ANKRD30A: variants seen among roughly 807,000 people sequenced by gnomAD.
ANKRD30A encodes the protein ankyrin repeat domain 30A, also known as ankyrin repeat domain-containing protein 30A.
A neutral mutation model predicts 166.3 loss-of-function variants in ANKRD30A; 170 were observed. The observed-to-expected ratio is 1.02, with a 90% confidence interval of 0.90 to 1.16. The LOEUF is 1.16. Ranked by LOEUF, ANKRD30A falls within the 50% of genes most tolerant of loss-of-function variation. ANKRD30A has a pLI of 0.00. For missense variants in ANKRD30A, 1,630 were observed against 1,518.0 expected, an observed-to-expected ratio of 1.07 and a Z score of -1.23; for synonymous variants, 564 against 508.9, an observed-to-expected ratio of 1.11 and a Z score of -1.46.
chr10:37,142,147 T>G lies in ANKRD30A; in HGVS notation c.1250T>G (p.Ile417Ser). The change falls in exon 7 of 36, where the codon ATC becomes AGC. Residue 417 changes from isoleucine (I) to serine (S), a missense_variant. Around this residue, in one of 4 missense-constraint regions of ANKRD30A, gnomAD observed 904 missense variants for 818.5 expected, o/e 1.10. Coordinates refer to ENST00000361713, the MANE Select transcript of ANKRD30A (RefSeq NM_052997.3). ...GCAGCAAAAGGAAGACCTAGGAAGA[T>G]CGCATGGGAGAAAAAAGAAACACCT... ...TWAAKGRPRK[I>S]AWEKKETPVK... 17 of 1,613,912 alleles carry G rather than the reference T, an allele frequency of 1.1e-5. No individual in the cohort carries two copies. Among genetic ancestry groups the G allele is most frequent in the Non-Finnish European group, 1.4e-5 (16 of 1,179,988 alleles).
intron 27 of ANKRD30A, 121 bp from the exon 28 acceptor site, chr10:37,197,160 T>A (rs1841201546): frequency 1.4e-6 from 2 of 1,391,548 alleles, no homozygotes; most frequent in Non-Finnish European, 2.0e-6. Context: ...ACTTTCCAAA[T>A]CTAAAGTATT....
chr10:37,246,975 C>T, the ANKRD30A span, among the ~76,000 whole-genome samples: 1 of 152,124 alleles, frequency 6.6e-6, no homozygotes, highest in Non-Finnish European at 1.5e-5. Flanking sequence ...GATTTTAGCT[C>T]TTTGGGAGAC....
Position 37,219,887 on chromosome 10 carries a change from C to A in ANKRD30A, c.4175C>A (p.Ala1392Glu). Residue 1392 changes from alanine (A) to glutamate (E), a missense_variant, in exon 34 of 36, where the codon GCA (alanine) becomes GAA (glutamate). By Grantham distance (107) the Ala-to-Glu change is moderately radical. Transcript: ENST00000361713. ...NRIYQYEKEK[A>E]ETENS ...ATATATCAATATGAAAAAGAGAAAGCAGAAACAGAAGTAAGTATCAAAAAA... is the reference window on the plus strand; with the variant it reads ...ATATATCAATATGAAAAAGAGAAAGAAGAAACAGAAGTAAGTATCAAAAAA... The A allele has an allele frequency of 6.7e-7, 1 of 1,502,822 alleles. No individual in the cohort carries two copies. The highest frequency in any genetic ancestry group is 2.4e-5 in the Admixed American group (1 of 42,210). 93.1% of individuals were successfully genotyped at this position (1,502,822 alleles called of 1,614,324 possible).
chr10:37,232,688 AT>A (rs1843484003), downstream of ANKRD30A: 2 of 5,348 alleles, frequency 3.7e-4, no homozygotes, highest in Non-Finnish European at 9.5e-4. Flanking sequence ...ATATATATAT[AT>A]ATATAAATAG....
chr10:37,246,969 T>G, the ANKRD30A span, among the ~76,000 whole-genome samples: 2 of 152,096 alleles, frequency 1.3e-5, no homozygotes, highest in Admixed American at 1.3e-4. Flanking sequence ...GCCTGTGATT[T>G]TAGCTCTTTG....
Position 37,142,187 on chromosome 10 carries a change from C to T in ANKRD30A, c.1290C>T (p.Cys430=), listed in dbSNP as rs369621160. 39 of 1,613,748 alleles carry T rather than the reference C, an allele frequency of 2.4e-5. No individual in the cohort carries two copies. Among genetic ancestry groups the T allele is most frequent in the African/African-American group, 1.3e-4 (10 of 74,860 alleles). Residue 430 remains cysteine, a synonymous_variant, in exon 7 of 36, where the codon TGC becomes TGT. Coordinates refer to ENST00000361713, the MANE Select transcript of ANKRD30A (RefSeq NM_052997.3). ...AAGAAACACCTGTAAAGACTGGATG[C>T]GTGGCAAGAGTAACATCTAATAAAA... is the stretch of plus-strand genomic sequence containing the variant. The part of the protein sequence containing the change: ...EKKETPVKTG[C]VARVTSNKTK...
In ANKRD30A at chr10:37,149,780, G is replaced by T. The variant is rs1837779948; in HGVS notation, c.1576G>T (p.Ala526Ser). The T allele has an allele frequency of 6.2e-7, 1 of 1,612,780 alleles. No individual in the cohort carries two copies. The highest frequency in any genetic ancestry group is 1.1e-5 in the South Asian group (1 of 91,052). ...PPKKPSAFKPAIEMQNSVPNK... is the reference protein window; with the variant it reads ...PPKKPSAFKPSIEMQNSVPNK... ...TTTTGCTTCCAACCCCATTTAGCCT[G>T]CCATTGAAATGCAAAACTCTGTTCC... Residue 526 changes from alanine to serine, a missense_variant, in exon 11 of 36, where the codon GCC becomes TCC. Physicochemically the swap from Ala to Ser is moderately conservative, Grantham distance 99 (BLOSUM62 1). Transcript: ENST00000361713.
In ANKRD30A at chr10:37,129,856, G is replaced by A. The variant is rs777814728; in HGVS notation, c.222-37G>A. The A allele has an allele frequency of 2.2e-6, 3 of 1,336,152 alleles. No homozygotes were observed. The East Asian group carries it at 7.9e-5, about 35-fold the overall frequency. 82.8% of individuals were successfully genotyped at this position (1,336,152 alleles called of 1,614,324 possible). ...ACTCATTGTATGTTTTGGGACAGTGGACTAAACTTTGCCAAAAAGTCCTCT... is the reference window on the plus strand; with the variant it reads ...ACTCATTGTATGTTTTGGGACAGTGAACTAAACTTTGCCAAAAAGTCCTCT... On this transcript the variant is annotated intron_variant, in intron 1 of 35. Transcript: ENST00000361713.
At chr10:37,147,016 A>G (rs1328423627) in intron 8 of ANKRD30A, among the ~76,000 whole-genome samples, 1 of 150,064 alleles carries the variant, frequency 6.7e-6, no homozygotes, top group Non-Finnish European at 1.5e-5. Flanking sequence ...GCAGGTAGCA[A>G]GTGTATTGTA....
At chr10:37,236,077 T>G (rs1047468047), downstream of ANKRD30A, among the ~76,000 whole-genome samples, 1 of 152,272 alleles carries the variant, frequency 6.6e-6, no homozygotes, top group Admixed American at 6.5e-5. Flanking sequence ...CTGATTTCAG[T>G]TTCTTCCAGC....
Position 37,165,195 on chromosome 10 carries a change from A to T in ANKRD30A, c.2064+40A>T, listed in dbSNP as rs542429774. ...TGATTTTTTTAAATATTAGTATTGC[A>T]TGATATGAAAACATAAAATCAGATG... On this transcript the variant is annotated intron_variant, in intron 18 of 35. Transcript: ENST00000361713. 15 of 1,532,082 alleles carry T rather than the reference A, an allele frequency of 9.8e-6. No homozygotes were observed. The East Asian group carries it at 3.4e-4, about 35-fold the overall frequency. 94.9% of individuals were successfully genotyped at this position (1,532,082 alleles called of 1,614,324 possible). A position where few individuals can be genotyped will look rare whatever the true frequency, so the allele number is the denominator to read the frequency against.
Position 37,153,505 on chromosome 10 carries a change from A to T in ANKRD30A, c.1708-67A>T. 3.2e-6 allele frequency: 5 copies of T among 1,578,686 alleles called. No homozygotes were observed. In the South Asian group the frequency reaches 5.9e-5, roughly 19 times the overall value. ...GTTTTTAAAAAAGAATTTAATTAGG[A>T]AATTTTGATACTCTTCATTACTAGG... On this transcript the variant is annotated intron_variant, in intron 12 of 35. Transcript: ENST00000361713.
rs761886747 is a variant in ANKRD30A, at chr10:37,197,250, T to C, written c.2615-31T>C. 7 of 1,607,070 alleles carry C rather than the reference T, an allele frequency of 4.4e-6. No individual in the cohort carries two copies. The Admixed American group carries it at 8.3e-5, about 19-fold the overall frequency. On this transcript the variant is annotated intron_variant, in intron 27 of 35. Transcript: ENST00000361713. ...GTGGCTGGCTTGTCATATTTACTTA[T>C]GATTGATGATAAATCTCTTTTGCTT...
At chr10:37,234,788 A>C (rs1212095962), downstream of ANKRD30A, among the ~76,000 whole-genome samples, 1 of 152,138 alleles carries the variant, frequency 6.6e-6, no homozygotes, top group African/African-American at 2.4e-5. Flanking sequence ...TCTTTTCTAA[A>C]TGTAGTTATA....
chr10:37,248,559 T>G, the ANKRD30A span, among the ~76,000 whole-genome samples: 2 of 152,158 alleles, frequency 1.3e-5, no homozygotes, highest in Non-Finnish European at 2.9e-5. Context: ...GTGGAAGACT[T>G]TTTTAGGCAA....
intron 9 of ANKRD30A, 110 bp from the exon 10 acceptor site, chr10:37,149,541 T>A: frequency 7.5e-7 from 1 of 1,325,870 alleles, no homozygotes; most frequent in Non-Finnish European, 1.1e-6. Flanking sequence ...TCTAAAGTAT[T>A]CGTTCTCAAA....
At chr10:37,254,122 C>T in the ANKRD30A span, among the ~76,000 whole-genome samples, 1 of 152,234 alleles carries the variant, frequency 6.6e-6, no homozygotes, top group South Asian at 2.1e-4. Flanking sequence ...ATGAAAAATG[C>T]TATGTATTAT....
chr10:37,194,968 A>T (rs1000758479), intron 27 of ANKRD30A, among the ~76,000 whole-genome samples: 1 of 152,122 alleles, frequency 6.6e-6, no homozygotes, highest in Non-Finnish European at 1.5e-5. Context: ...ATGCATTACA[A>T]CTGTTAGTTG....
At chr10:37,139,546 CTATT>C (rs1836958047) in intron 6 of ANKRD30A, among the ~76,000 whole-genome samples, 1 of 152,318 alleles carries the variant, frequency 6.6e-6, no homozygotes, top group South Asian at 2.1e-4. Context: ...CCACTTTAAG[CTATT>C]TATGCAAGGT....
Sources: allele counts gnomAD v4.1 joint callset (sites outside exome capture counted in the v4.1 genomes callset), GRCh38; gene constraint gnomAD v4.1.1; regional missense constraint gnomAD v4.1.1; transcripts MANE v1.5; gene names NCBI Gene and HGNC (gene_info 2026-07-23, HGNC 2026-07-21).